VAV2: variants seen among roughly 807,000 people sequenced by gnomAD.
VAV2 encodes vav guanine nucleotide exchange factor 2.
VAV2 carries 67 observed loss-of-function variants against 132.5 expected under a neutral mutation model. That is an observed-to-expected ratio of 0.51 (90% CI 0.42 to 0.62). The LOEUF (loss-of-function observed/expected upper bound fraction) is 0.62, where lower values mean the gene tolerates loss of function less well. Ranked by LOEUF, VAV2 falls within the 20% of genes least tolerant of loss-of-function variation. The probability of loss-of-function intolerance (pLI) is 0.00; values close to 1 mark genes in which losing one functional copy is unlikely to be tolerated. For synonymous variants in VAV2, 492 were observed against 443.5 expected, an observed-to-expected ratio of 1.11 and a Z score of -1.37; for missense variants, 938 against 1,153.6, an observed-to-expected ratio of 0.81 and a Z score of 2.71.
At chr9:133,916,539 T>G (rs1840097409) in intron 2 of VAV2, among the ~76,000 whole-genome samples, 1 of 150,628 alleles carries the variant, frequency 6.6e-6, no homozygotes, top group Non-Finnish European at 1.5e-5. Context: ...TTTGAGGATG[T>G]GGGGCTGGGT....
intron 1 of VAV2, among the ~76,000 whole-genome samples, chr9:133,989,036 C>A (rs1842938177): frequency 6.6e-6 from 1 of 151,786 alleles, no homozygotes; most frequent in Non-Finnish European, 1.5e-5. Context: ...ACGGTAAAAC[C>A]CCGTCTCTAC....
chr9:133,835,910 G>A (rs1043767982), intron 3 of VAV2, among the ~76,000 whole-genome samples: 2 of 152,166 alleles, frequency 1.3e-5, no homozygotes, highest in African/African-American at 4.8e-5. Flanking sequence ...GGCGCAGCAC[G>A]GCCAGGCCTG....
At chr9:133,964,065 A>ATATG (rs1564507815) in intron 1 of VAV2, among the ~76,000 whole-genome samples, 2 of 138,252 alleles carry the variant, frequency 1.4e-5, no homozygotes, top group African/African-American at 5.7e-5. Context: ...ATATACATAT[A>ATATG]TATAAATGAA....
intron 26 of VAV2, among the ~76,000 whole-genome samples, chr9:133,771,600 G>A (rs1487386261): frequency 6.6e-6 from 1 of 152,218 alleles, no homozygotes; most frequent in African/African-American, 2.4e-5. Flanking sequence ...CATGTGTAAT[G>A]GGGCTACCCG....
intron 1 of VAV2, among the ~76,000 whole-genome samples, chr9:133,965,630 T>A (rs566433984): frequency 6.6e-6 from 1 of 151,900 alleles, no homozygotes; most frequent in Non-Finnish European, 1.5e-5. Context: ...TTAAAAAAAT[T>A]CAAGCAGTCA....
intron 12 of VAV2, among the ~76,000 whole-genome samples, chr9:133,793,236 A>T (rs1230859512): frequency 6.6e-6 from 1 of 151,572 alleles, no homozygotes; most frequent in Non-Finnish European, 1.5e-5. Context: ...AGCGGAACCC[A>T]AGGGAGCCGG....
At chr9:133,925,593 T>G (rs532726229) in intron 2 of VAV2, among the ~76,000 whole-genome samples, 227 of 152,180 alleles carry the variant, frequency 1.5e-3, no homozygotes, top group African/African-American at 5.2e-3. Context: ...AGGGGCAGAG[T>G]GGCCAAGGAA....
intron 5 of VAV2, 45 bp downstream of exon 5, chr9:133,812,069 C>G (rs538531153): frequency 7.6e-6 from 12 of 1,589,266 alleles, no homozygotes; most frequent in African/African-American, 1.3e-5. Context: ...GGCTGCTCTG[C>G]GAGGGAAGGG....
chr9:133,777,261 C>T (rs1833849508), intron 23 of VAV2, 128 bp downstream of exon 23: 5 of 915,332 alleles, frequency 5.5e-6, no homozygotes, highest in Non-Finnish European at 8.6e-6. Context: ...CAGGAAGCAG[C>T]TCACAGCAGC....
chr9:133,765,014 A>C (rs1001925903), intron 29 of VAV2, among the ~76,000 whole-genome samples: 4 of 152,148 alleles, frequency 2.6e-5, no homozygotes, highest in African/African-American at 9.7e-5. Flanking sequence ...ACTCAAAACA[A>C]CTCCTCACAA....
At position 133,764,213 on chromosome 9, in the gene VAV2, G is replaced by A. The variant is rs1833359736; in HGVS notation, c.2590-104C>T. The A allele has an allele frequency of 1.6e-5, 23 of 1,465,864 alleles. No homozygotes were observed. The South Asian group carries it at 2.5e-4, about 16-fold the overall frequency. The allele number at this position is 1,465,864 out of a possible 1,614,324, so 90.8% of individuals were successfully genotyped here. A position where few individuals can be genotyped will look rare whatever the true frequency, so the allele number is the denominator to read the frequency against. On this transcript the variant is annotated intron_variant, in intron 29 of 29. Transcript: ENST00000371850. ...GGGCAAGTAGAGGCTCATGAAGATG[G>A]GGGGCCCTTCGGAAGTCCAGAGTTC...
intron 2 of VAV2, among the ~76,000 whole-genome samples, chr9:133,914,001 G>A (rs1300386142): frequency 2.6e-5 from 4 of 152,194 alleles, no homozygotes; most frequent in Admixed American, 6.5e-5. Flanking sequence ...TCCAAGAGCC[G>A]CTGGCTATGA....
chr9:133,895,555 ATC>A lies in VAV2; in HGVS notation c.322-34125_322-34124del, dbSNP rs1491194244. ...CGGGTGCCAGCCAGGCACAGGGACA[ATC>A]TATTGTGACATTCCATTTATAGGAA... On this transcript the variant is annotated intron_variant, in intron 2 of 29. Transcript: ENST00000371850. Among the ~76,000 whole-genome samples, 6 of 152,264 alleles carry A rather than the reference ATC, an allele frequency of 3.9e-5. No homozygotes were observed. The South Asian group carries it at 1.2e-3, about 32-fold the overall frequency.
intron 2 of VAV2, among the ~76,000 whole-genome samples, chr9:133,896,240 A>G (rs1839198833): frequency 6.6e-6 from 1 of 152,198 alleles, no homozygotes; most frequent in South Asian, 2.1e-4. Context: ...GGATCACTTG[A>G]GGTCAGGAGT....
intron 16 of VAV2, among the ~76,000 whole-genome samples, chr9:133,786,516 G>A (rs1408805170): frequency 2.6e-5 from 4 of 152,104 alleles, no homozygotes; most frequent in Admixed American, 6.5e-5. Flanking sequence ...GGAAGGATGA[G>A]CGCAGGGCCC....
intron 1 of VAV2, among the ~76,000 whole-genome samples, chr9:133,989,477 G>A (rs1205616642): frequency 6.7e-6 from 1 of 149,286 alleles, no homozygotes; most frequent in Non-Finnish European, 1.5e-5. Context: ...CCGGGACCGT[G>A]CCACCGCACT....
At chr9:133,801,604 G>A (rs1834932518) in intron 9 of VAV2, among the ~76,000 whole-genome samples, 2 of 152,230 alleles carry the variant, frequency 1.3e-5, no homozygotes, top group Non-Finnish European at 1.5e-5. Flanking sequence ...AGCTGGTGAT[G>A]GAGAGGGCCT....
At chr9:133,941,615 G>GC (rs1176869133) in intron 1 of VAV2, among the ~76,000 whole-genome samples, 1 of 149,008 alleles carries the variant, frequency 6.7e-6, no homozygotes, top group Non-Finnish European at 1.5e-5. Context: ...TTTTGGGGGG[G>GC]GGGGGGGACG....
chr9:133,954,812 T>C (rs1385349954), intron 1 of VAV2, among the ~76,000 whole-genome samples: 1 of 152,132 alleles, frequency 6.6e-6, no homozygotes, highest in Admixed American at 6.5e-5. Flanking sequence ...TGTACCAGTG[T>C]ATGTATGTGC....
Sources: gnomAD v4.1 joint callset for allele counts (sites outside exome capture counted in the v4.1 genomes callset) on GRCh38, gnomAD v4.1.1 for gene constraint, MANE v1.5 for transcripts, NCBI Gene and HGNC (gene_info 2026-07-23, HGNC 2026-07-21) for gene names.